Variants in CAPSL observed in about 807,000 individuals in gnomAD.
The protein encoded by CAPSL is calcyphosin-like protein.
A neutral mutation model predicts 21.3 loss-of-function variants in CAPSL; 17 were observed. The ratio of observed to expected loss-of-function variants is 0.80; its 90% CI spans 0.55 to 1.20. The LOEUF is 1.20. Ranked by LOEUF, CAPSL falls within the 50% of genes most tolerant of loss-of-function variation. The probability of loss-of-function intolerance (pLI) is 0.00; values close to 1 mark genes in which losing one functional copy is unlikely to be tolerated. For synonymous variants in CAPSL, 102 were observed against 89.3 expected, an observed-to-expected ratio of 1.14 and a Z score of -0.80; for missense variants, 289 against 259.3, an observed-to-expected ratio of 1.11 and a Z score of -0.79.
chr5:35,911,923 C>T (rs1738234631), intron 2 of CAPSL, among the ~76,000 whole-genome samples: 1 of 152,116 alleles, frequency 6.6e-6, no homozygotes, highest in Non-Finnish European at 1.5e-5. Flanking sequence ...ATCGCCTCAC[C>T]CAGGAAGCGC....
intron 1 of CAPSL, among the ~76,000 whole-genome samples, chr5:35,925,615 G>A (rs1049900830): frequency 7.2e-5 from 11 of 152,108 alleles, no homozygotes; most frequent in African/African-American, 2.7e-4. Context: ...GGGTGCCAGG[G>A]TGGGATTTGG....
In CAPSL at chr5:35,906,761, A is replaced by G. The variant is rs116092370; in HGVS notation, c.526-2115T>C. On this transcript the variant is annotated intron_variant, in intron 4 of 4. Transcript: ENST00000651391. ...TATCGTCACCCATCCTTCCATCCCA[A>G]ACTCCCCCAGTGGGATGGGGTGACC... 9.6e-3 allele frequency among the ~76,000 whole-genome samples: 1,463 copies of G among 152,260 alleles called. 32 individuals carry two copies. Among genetic ancestry groups the G allele is most frequent in the African/African-American group, 0.034 (1,404 of 41,546 alleles).
chr5:35,912,057 G>C (rs1032526411), intron 2 of CAPSL, among the ~76,000 whole-genome samples: 4 of 152,190 alleles, frequency 2.6e-5, no homozygotes, highest in African/African-American at 9.7e-5. Flanking sequence ...CGCACCAGGA[G>C]ATTATATCCT....
rs754098152 is a variant in CAPSL, at chr5:35,919,170, A to AAAAAAAATATAT, written c.137+1813_137+1814insATATATTTTTTT. On this transcript the variant is annotated intron_variant, in intron 2 of 4. Transcript: ENST00000651391. ...AGTATCTTTCCTGATTAAAAAAAAA[A>AAAAAAAATATAT]ATATATATATATATATATATAAAAA... 5.2e-4 allele frequency among the ~76,000 whole-genome samples: 63 copies of AAAAAAAATATAT among 121,268 alleles called. 2 individuals are homozygous for AAAAAAAATATAT. The South Asian group carries it at 0.015, about 29-fold the overall frequency. The allele number at this position is 121,268 out of a possible 152,430, so 79.6% of individuals were successfully genotyped here. A position where few individuals can be genotyped will look rare whatever the true frequency, so the allele number is the denominator to read the frequency against.
rs1760622342 is a variant in CAPSL, at chr5:35,904,405, G to A, written c.*140C>T. On this transcript the variant is annotated 3_prime_UTR_variant, in exon 5 of 5. Coordinates refer to ENST00000651391, the MANE Select transcript of CAPSL (RefSeq NM_001042625.2). ...GTCTTTTATTTCTGCCTGTTTTTTG[G>A]CCCCAGAAAATGCAATATTTTGACA... 4 of 663,028 alleles carry A rather than the reference G, an allele frequency of 6.0e-6. No homozygotes were observed. Among genetic ancestry groups the A allele is most frequent in the Non-Finnish European group, 5.2e-6 (2 of 382,804 alleles). 41.1% of individuals were successfully genotyped at this position (663,028 alleles called of 1,614,324 possible). A position where few individuals can be genotyped will look rare whatever the true frequency, so the allele number is the denominator to read the frequency against.
Position 35,910,480 on chromosome 5 carries a change from C to T in CAPSL, c.201G>A (p.Gly67=). ...RTLDFKEFMK[G]LNDYAVVMEK... is the part of the protein sequence containing the mutation. ...CCATGACCACAGCATAATCATTTAACCCTTTCATAAATTCTTTAAAATCAA... is the reference window on the plus strand; with the variant it reads ...CCATGACCACAGCATAATCATTTAATCCTTTCATAAATTCTTTAAAATCAA... The change falls in exon 3 of 5, where the codon GGG becomes GGA. Residue 67 remains glycine, a synonymous_variant. Coordinates refer to ENST00000651391, the MANE Select transcript of CAPSL (RefSeq NM_001042625.2). 1 of 1,613,004 alleles carries T rather than the reference C, an allele frequency of 6.2e-7. No individual in the cohort carries two copies. The highest frequency in any genetic ancestry group is 8.5e-7 in the Non-Finnish European group (1 of 1,179,154).
At chr5:35,913,507 T>C (rs1738288581) in intron 2 of CAPSL, among the ~76,000 whole-genome samples, 1 of 152,160 alleles carries the variant, frequency 6.6e-6, no homozygotes, top group African/African-American at 2.4e-5. Flanking sequence ...ACAGCGGATC[T>C]CTCAGCAGAA....
chr5:35,914,814 G>A (rs1348157744), intron 2 of CAPSL, among the ~76,000 whole-genome samples: 1 of 152,084 alleles, frequency 6.6e-6, no homozygotes, highest in Non-Finnish European at 1.5e-5. Flanking sequence ...AGAAGCAAGA[G>A]CAAACATATT....
At chr5:35,933,516 A>G (rs1738871502) in intron 1 of CAPSL, among the ~76,000 whole-genome samples, 1 of 152,174 alleles carries the variant, frequency 6.6e-6, no homozygotes, top group Admixed American at 6.5e-5. Flanking sequence ...TTTTTTAAAC[A>G]GGAAACCCCT....
At chr5:35,920,949 C>G in intron 2 of CAPSL, 35 bp downstream of exon 2, 2 of 1,606,950 alleles carry the variant, frequency 1.2e-6, no homozygotes, top group Non-Finnish European at 1.7e-6. Context: ...CATTCCTTCC[C>G]GCTCCATTCC....
At chr5:35,933,925 C>T (rs555675905) in intron 1 of CAPSL, among the ~76,000 whole-genome samples, 1 of 152,298 alleles carries the variant, frequency 6.6e-6, no homozygotes, top group African/African-American at 2.4e-5. Flanking sequence ...ATGTGGGAGA[C>T]AATCTGCTCT....
chr5:35,916,794 C>G (rs1013731265), intron 2 of CAPSL, among the ~76,000 whole-genome samples: 1 of 152,182 alleles, frequency 6.6e-6, no homozygotes, highest in Non-Finnish European at 1.5e-5. Context: ...CCATTCAGGA[C>G]ATAGGCATGG....
At chr5:35,919,390 G>A (rs912099531) in intron 2 of CAPSL, among the ~76,000 whole-genome samples, 2 of 151,956 alleles carry the variant, frequency 1.3e-5, no homozygotes, top group African/African-American at 4.8e-5. Flanking sequence ...AAGAAAGAAC[G>A]TATACTGTTG....
intron 2 of CAPSL, among the ~76,000 whole-genome samples, chr5:35,919,170 A>AAAAAAAAATATATATAT (rs754098152): frequency 7.4e-5 from 9 of 121,270 alleles, no homozygotes; most frequent in South Asian, 5.2e-4. Flanking sequence ...TAAAAAAAAA[A>AAAAAAAAATATATATAT]ATATATATAT....
At chr5:35,926,117 T>C (rs1338721406) in intron 1 of CAPSL, among the ~76,000 whole-genome samples, 1 of 151,130 alleles carries the variant, frequency 6.6e-6, no homozygotes, top group Non-Finnish European at 1.5e-5. Flanking sequence ...AAAGGCCGTT[T>C]GCATTGTAAA....
chr5:35,921,230 G>T, intron 1 of CAPSL, 110 bp from the exon 2 acceptor site: 1 of 1,349,414 alleles, frequency 7.4e-7, no homozygotes, highest in South Asian at 1.5e-5. Context: ...TTCTCTGTCA[G>T]GAAACCTCTC....
intron 4 of CAPSL, among the ~76,000 whole-genome samples, chr5:35,907,012 C>T (rs527378942): frequency 2.6e-5 from 4 of 152,322 alleles, no homozygotes; most frequent in African/African-American, 7.2e-5. Context: ...ATTCTCTGAT[C>T]TCCTGTAAAT....
At chr5:35,908,211 C>T (rs1712981867) in intron 4 of CAPSL, among the ~76,000 whole-genome samples, 1 of 152,142 alleles carries the variant, frequency 6.6e-6, no homozygotes, top group Non-Finnish European at 1.5e-5. Flanking sequence ...AATGTAAAGC[C>T]TTGGACTCCA....
chr5:35,906,299 C>T (rs895213385), intron 4 of CAPSL, among the ~76,000 whole-genome samples: 5 of 152,158 alleles, frequency 3.3e-5, no homozygotes, highest in Admixed American at 3.3e-4. Flanking sequence ...CTATCCCTAG[C>T]TTTTCTCTCC....
Sources: gnomAD v4.1 joint callset for allele counts (sites outside exome capture counted in the v4.1 genomes callset) on GRCh38, gnomAD v4.1.1 for gene constraint, MANE v1.5 for transcripts, NCBI Gene and HGNC (gene_info 2026-07-23, HGNC 2026-07-21) for gene names.